RASGRF2: variants seen among roughly 807,000 people sequenced by gnomAD.
The protein encoded by RASGRF2 is ras-specific guanine nucleotide-releasing factor 2.
Under a neutral mutation model 151.0 loss-of-function variants are expected in RASGRF2, and 76 were observed. The observed-to-expected ratio is 0.50, with a 90% confidence interval of 0.42 to 0.61. RASGRF2 has a LOEUF of 0.61. Among genes scored for constraint, RASGRF2 ranks in the 20% least tolerant of loss-of-function variants. The pLI, the probability that RASGRF2 is intolerant of heterozygous loss-of-function variation, is 0.00. For missense variants in RASGRF2, 1,148 were observed against 1,564.6 expected (o/e 0.73, Z 4.49); for synonymous variants, 504 against 566.5 (o/e 0.89, Z 1.57).
At chr5:80,996,344 A>T (rs1748860316) in intron 1 of RASGRF2, among the ~76,000 whole-genome samples, 1 of 151,636 alleles carries the variant, frequency 6.6e-6, no homozygotes, top group Non-Finnish European at 1.5e-5. Context: ...AATTTATACG[A>T]CTCACTTTTG....
chr5:81,161,987 G>A (rs1265696192), intron 17 of RASGRF2, among the ~76,000 whole-genome samples: 1 of 151,170 alleles, frequency 6.6e-6, no homozygotes, highest in African/African-American at 2.4e-5. Context: ...GTTAGATTCT[G>A]CCAGGCAAGC....
At chr5:81,130,715 G>A (rs1011380609) in intron 17 of RASGRF2, among the ~76,000 whole-genome samples, 2 of 146,506 alleles carry the variant, frequency 1.4e-5, no homozygotes, top group South Asian at 4.4e-4. Flanking sequence ...CTGGGAATCA[G>A]GAATTGCCAG....
At chr5:81,222,379 T>C (rs1755874889) in intron 26 of RASGRF2, among the ~76,000 whole-genome samples, 1 of 152,212 alleles carries the variant, frequency 6.6e-6, no homozygotes, top group African/African-American at 2.4e-5. Context: ...GGTTTTGCCC[T>C]ATTTCTGTCT....
intron 17 of RASGRF2, among the ~76,000 whole-genome samples, chr5:81,130,927 G>A (rs1168222893): frequency 2.6e-5 from 4 of 152,126 alleles, no homozygotes; most frequent in South Asian, 2.1e-4. Context: ...AGAGGTCTGC[G>A]GAGTGGGTTT....
intron 15 of RASGRF2, among the ~76,000 whole-genome samples, chr5:81,122,020 G>T (rs1160871393): frequency 6.6e-6 from 1 of 152,194 alleles, no homozygotes; most frequent in African/African-American, 2.4e-5. Context: ...CACTCGTCCT[G>T]CAGGCAAAGC....
intron 23 of RASGRF2, among the ~76,000 whole-genome samples, chr5:81,213,284 G>A (rs1046903663): frequency 6.6e-6 from 1 of 152,160 alleles, no homozygotes; most frequent in African/African-American, 2.4e-5. Context: ...TGCTTGCCCT[G>A]CCTGGGAACA....
chr5:81,134,079 C>CGTGTGCGTGT (rs1554036797), intron 17 of RASGRF2, among the ~76,000 whole-genome samples: 8 of 143,702 alleles, frequency 5.6e-5, no homozygotes, highest in Non-Finnish European at 1.2e-4. Flanking sequence ...TGCTTGTGTG[C>CGTGTGCGTGT]GTGTGTGTGT....
chr5:81,159,463 C>A (rs1754333231), intron 17 of RASGRF2, among the ~76,000 whole-genome samples: 1 of 152,196 alleles, frequency 6.6e-6, no homozygotes, highest in African/African-American at 2.4e-5. Flanking sequence ...ATGCAAAAGA[C>A]CACGTACTCT....
intron 17 of RASGRF2, among the ~76,000 whole-genome samples, chr5:81,162,811 TCCA>T (rs1291456037): frequency 6.6e-6 from 1 of 152,238 alleles, no homozygotes; most frequent in Non-Finnish European, 1.5e-5. Flanking sequence ...CTATCTATTA[TCCA>T]TTAAAGTTTG....
chr5:81,068,171 A>C lies in RASGRF2; in HGVS notation c.535A>C (p.Lys179Gln). 6.2e-7 allele frequency: 1 copy of C among 1,609,444 alleles called. No individual in the cohort carries two copies. Among genetic ancestry groups the C allele is most frequent in the Non-Finnish European group, 8.5e-7 (1 of 1,178,374 alleles). Reference sequence around the variant, plus strand: ...TCAAGACACAGAAATCGAAAGGCTTAAATCAGAGGTATTTCCCAGTCAATA... The same window carrying C: ...TCAAGACACAGAAATCGAAAGGCTTCAATCAGAGGTATTTCCCAGTCAATA... ...EDQDTEIERL[K>Q]SEIIALNKTK... Residue 179 changes from lysine (K) to glutamine (Q), a missense_variant, in exon 3 of 27, where the codon AAA becomes CAA. By Grantham distance (53) the Lys-to-Gln change is moderately conservative (BLOSUM62 1). Coordinates refer to ENST00000265080, the MANE Select transcript of RASGRF2 (RefSeq NM_006909.3).
intron 12 of RASGRF2, among the ~76,000 whole-genome samples, chr5:81,097,887 A>G (rs1752590974): frequency 6.6e-6 from 1 of 152,226 alleles, no homozygotes; most frequent in African/African-American, 2.4e-5. Flanking sequence ...GATGAAAGCT[A>G]TTAAAGGATT....
rs1756006791 is a variant in RASGRF2, at chr5:81,226,640, T to C, written c.*870T>C. 1 of 152,224 alleles carries C rather than the reference T, an allele frequency of 6.6e-6. No individual in the cohort carries two copies. The highest frequency in any genetic ancestry group is 2.4e-5 in the African/African-American group (1 of 41,446). 9.4% of individuals were successfully genotyped at this position (152,224 alleles called of 1,614,324 possible). ...CATGGGTTTCAGTGCTGAGTGAAAA[T>C]CTATACCTAAAAATCATCTCTGCAC... On this transcript the variant is annotated 3_prime_UTR_variant, in exon 27 of 27. Transcript: ENST00000265080.
In RASGRF2 at chr5:81,219,719, A is replaced by G; in HGVS notation, c.3562A>G (p.Ile1188Val). ...TTTTTTTCTCTGTTAGATATCACAC[A>G]TCATCAGAGAGATACGCCAGTTCCA... ...NFSKMRMISH[I>V]IREIRQFQQT... The change falls in exon 26 of 27, where the codon ATC becomes GTC. Residue 1188 changes from isoleucine to valine, a missense_variant. Transcript: ENST00000265080. 1.2e-6 allele frequency: 2 copies of G among 1,609,426 alleles called. No homozygotes were observed. Among genetic ancestry groups the G allele is most frequent in the Non-Finnish European group, 1.7e-6 (2 of 1,175,788 alleles).
At chr5:81,192,193 T>G (rs1755166648) in intron 18 of RASGRF2, among the ~76,000 whole-genome samples, 1 of 152,148 alleles carries the variant, frequency 6.6e-6, no homozygotes, top group African/African-American at 2.4e-5. Flanking sequence ...TGTCTGTGGG[T>G]TTTACTACCT....
At chr5:81,089,551 G>A (rs1267467259) in intron 9 of RASGRF2, among the ~76,000 whole-genome samples, 1 of 152,126 alleles carries the variant, frequency 6.6e-6, no homozygotes, top group Non-Finnish European at 1.5e-5. Flanking sequence ...TTAGTCTGTT[G>A]GATAGGATAC....
intron 17 of RASGRF2, among the ~76,000 whole-genome samples, chr5:81,132,373 G>A (rs756219825): frequency 1.3e-5 from 2 of 152,136 alleles, no homozygotes; most frequent in African/African-American, 2.4e-5. Flanking sequence ...ATTGTTTGTT[G>A]TTGTTGTTAT....
rs140660584 is a variant in RASGRF2, at chr5:80,989,936, C to G, written c.288+28910C>G. ...TGGAGAGCTATTTCCTCACTTCAGA[C>G]CACTATTGTTTGTCTGGATTGCTTA... On this transcript the variant is annotated intron_variant, in intron 1 of 26. Coordinates refer to ENST00000265080, the MANE Select transcript of RASGRF2 (RefSeq NM_006909.3). Among the ~76,000 whole-genome samples the G allele has an allele frequency of 7.0e-4, 107 of 152,284 alleles. 1 individual carries two copies. In the East Asian group the frequency reaches 0.015, roughly 22 times the overall value.
chr5:81,022,982 T>C (rs11744295), intron 1 of RASGRF2, among the ~76,000 whole-genome samples: 52,188 of 151,694 alleles, frequency 0.34, 9,399 homozygotes, highest in African/African-American at 0.45. Context: ...GGGGTAGAAA[T>C]TGGAGATAAC....
intron 1 of RASGRF2, among the ~76,000 whole-genome samples, chr5:80,973,249 T>A (rs1747997555): frequency 6.6e-6 from 1 of 152,174 alleles, no homozygotes; most frequent in South Asian, 2.1e-4. Context: ...TAGAATGTGC[T>A]TACAGTAGGT....
Sources: gnomAD v4.1 joint callset for allele counts (sites outside exome capture counted in the v4.1 genomes callset) on GRCh38, gnomAD v4.1.1 for gene constraint, MANE v1.5 for transcripts, NCBI Gene and HGNC (gene_info 2026-07-23, HGNC 2026-07-21) for gene names.